HIKESHI: variants seen among roughly 807,000 people sequenced by gnomAD.
HIKESHI encodes the protein protein Hikeshi.
HIKESHI carries 13 observed loss-of-function variants against 25.7 expected under a neutral mutation model. That is an observed-to-expected ratio of 0.51 (90% CI 0.33 to 0.80). HIKESHI has a LOEUF of 0.80. Ranked by LOEUF, HIKESHI falls within the 30% of genes least tolerant of loss-of-function variation. The pLI is 0.02. For missense variants in HIKESHI, 174 were observed against 229.5 expected, an observed-to-expected ratio of 0.76 and a Z score of 1.56; for synonymous variants, 76 against 78.7, an observed-to-expected ratio of 0.97 and a Z score of 0.18.
chr11:86,319,659 A>C (rs1385833209), intron 2 of HIKESHI, among the ~76,000 whole-genome samples: 1 of 152,144 alleles, frequency 6.6e-6, no homozygotes, highest in African/African-American at 2.4e-5. Flanking sequence ...AATACTTTTA[A>C]TCAACATCCA....
intron 2 of HIKESHI, among the ~76,000 whole-genome samples, chr11:86,315,434 C>G (rs911727535): frequency 1.4e-4 from 21 of 152,114 alleles, no homozygotes; most frequent in African/African-American, 4.8e-4. Context: ...AGTGCTCCCG[C>G]CTCAGCCTCC....
intron 2 of HIKESHI, among the ~76,000 whole-genome samples, chr11:86,316,454 G>T (rs1026834497): frequency 3.9e-5 from 6 of 152,216 alleles, no homozygotes; most frequent in African/African-American, 1.4e-4. Flanking sequence ...GGAGGTTGCA[G>T]TGAGCCGAGA....
rs914797898 is a variant in HIKESHI, at chr11:86,303,332, T to C, written c.30+854T>C. On this transcript the variant is annotated intron_variant, in intron 1 of 4. Transcript: ENST00000278483. ...TTTTTTTCCCATCAAGTTTTGATAA[T>C]GTATTGTATTCTGTACATATACAGT... 1.0e-5 allele frequency: 8 copies of C among 799,864 alleles called. No individual in the cohort carries two copies. In the African/African-American group the frequency reaches 1.1e-4, roughly 11 times the overall value. 49.5% of individuals were successfully genotyped at this position (799,864 alleles called of 1,614,324 possible). A position where few individuals can be genotyped will look rare whatever the true frequency, so the allele number is the denominator to read the frequency against.
intron 2 of HIKESHI, among the ~76,000 whole-genome samples, chr11:86,327,504 C>T (rs1425513524): frequency 5.3e-5 from 8 of 152,108 alleles, no homozygotes; most frequent in South Asian, 4.2e-4. Flanking sequence ...TTAGTAGAGA[C>T]GGGGTTTCGC....
intron 2 of HIKESHI, chr11:86,326,759 G>A (rs1947292493): frequency 3.2e-6 from 1 of 308,696 alleles, no homozygotes; most frequent in South Asian, 2.7e-5. Context: ...AATATGCAGT[G>A]CATCTTCAAG....
At chr11:86,336,315 C>A (rs1363387986) in intron 2 of HIKESHI, among the ~76,000 whole-genome samples, 2 of 152,108 alleles carry the variant, frequency 1.3e-5, no homozygotes, top group Non-Finnish European at 2.9e-5. Flanking sequence ...TTGCTCTGGT[C>A]TGAATGTTTG....
intron 3 of HIKESHI, among the ~76,000 whole-genome samples, chr11:86,339,997 G>A (rs1020882527): frequency 3.3e-5 from 5 of 151,584 alleles, no homozygotes; most frequent in East Asian, 1.9e-4. Flanking sequence ...GAGGACATGC[G>A]GTGTTTGGTT....
chr11:86,342,106 T>A (rs1947746578), intron 3 of HIKESHI, among the ~76,000 whole-genome samples: 1 of 152,170 alleles, frequency 6.6e-6, no homozygotes, highest in Non-Finnish European at 1.5e-5. Context: ...TGTTTCTTGA[T>A]TACTGGTGAT....
At chr11:86,303,462 T>G (rs561325981) in intron 1 of HIKESHI, 46 of 959,006 alleles carry the variant, frequency 4.8e-5, no homozygotes, top group African/African-American at 5.3e-5. Flanking sequence ...ATAATCCTGG[T>G]GAGATAATTT....
At chr11:86,343,771 C>A (rs1370773975) in intron 3 of HIKESHI, 1 of 152,160 alleles carries the variant, frequency 6.6e-6, no homozygotes, top group Non-Finnish European at 1.5e-5. Flanking sequence ...AAGACCAATT[C>A]TCTTGTGTAG....
chr11:86,311,649 G>T (rs1034466374), intron 2 of HIKESHI, among the ~76,000 whole-genome samples: 1 of 152,094 alleles, frequency 6.6e-6, no homozygotes, highest in African/African-American at 2.4e-5. Flanking sequence ...TAATTGTGAC[G>T]TTAGGGTGTC....
intron 2 of HIKESHI, among the ~76,000 whole-genome samples, chr11:86,308,644 T>C (rs1223191821): frequency 6.6e-6 from 1 of 151,580 alleles, no homozygotes; most frequent in East Asian, 1.9e-4. Context: ...TATGTATACA[T>C]GTGCCATTTT....
intron 3 of HIKESHI, among the ~76,000 whole-genome samples, chr11:86,342,317 G>A (rs534061094): frequency 6.6e-6 from 1 of 152,026 alleles, no homozygotes; most frequent in Non-Finnish European, 1.5e-5. Flanking sequence ...TTCTAGCATG[G>A]TGCTTGTCTT....
intron 2 of HIKESHI, among the ~76,000 whole-genome samples, chr11:86,325,329 T>C (rs1270740930): frequency 6.6e-6 from 1 of 152,112 alleles, no homozygotes; most frequent in Non-Finnish European, 1.5e-5. Context: ...CATGTACTTG[T>C]AGGGTGTCTT....
At chr11:86,308,758 C>T (rs1049450347) in intron 2 of HIKESHI, among the ~76,000 whole-genome samples, 12 of 151,908 alleles carry the variant, frequency 7.9e-5, no homozygotes, top group Non-Finnish European at 1.8e-4. Context: ...TGTGATGTTC[C>T]CCTTCCTGTG....
chr11:86,332,845 C>T (rs1165060757), intron 2 of HIKESHI, among the ~76,000 whole-genome samples: 2 of 152,130 alleles, frequency 1.3e-5, no homozygotes, highest in African/African-American at 2.4e-5. Flanking sequence ...GTTGTGGGAC[C>T]GATTTGGCCT....
At position 86,304,389 on chromosome 11, in the gene HIKESHI, AC is replaced by A. The variant is rs980198385; in HGVS notation, c.31-1855del. Among the ~76,000 whole-genome samples, 88 of 152,274 alleles carry A rather than the reference AC, an allele frequency of 5.8e-4. 1 individual carries two copies. The highest frequency in any genetic ancestry group is 2.1e-3 in the African/African-American group (86 of 41,554). ...GTCATTTTAAACAGCACGATCACCA[AC>A]AAAAATCACAAAAATGCTTTAAATA... On this transcript the variant is annotated intron_variant, in intron 1 of 4. Coordinates refer to ENST00000278483, the MANE Select transcript of HIKESHI (RefSeq NM_016401.4).
chr11:86,344,914 C>T (rs1947833205), intron 4 of HIKESHI, 193 bp downstream of exon 4: 7 of 521,514 alleles, frequency 1.3e-5, no homozygotes, highest in East Asian at 3.1e-5. Flanking sequence ...GTTATATTGT[C>T]GCCATTATGA....
intron 2 of HIKESHI, among the ~76,000 whole-genome samples, chr11:86,316,981 G>T (rs1364113810): frequency 1.3e-5 from 2 of 151,160 alleles, no homozygotes; most frequent in Non-Finnish European, 3.0e-5. Flanking sequence ...TTTAGTAGAG[G>T]CAGGGTTCCA....
Sources: allele counts gnomAD v4.1 joint callset (sites outside exome capture counted in the v4.1 genomes callset), GRCh38; gene constraint gnomAD v4.1.1; transcripts MANE v1.5; gene names NCBI Gene and HGNC (gene_info 2026-07-23, HGNC 2026-07-21).